Variants in RELB observed in about 807,000 individuals in gnomAD.
The protein encoded by RELB is RELB proto-oncogene, NF-kB subunit.
RELB carries 14 observed loss-of-function variants against 55.4 expected under a neutral mutation model. The observed-to-expected ratio is 0.25, with a 90% CI of 0.17 to 0.40. RELB has a LOEUF of 0.40. Ranked by LOEUF, RELB falls within the 10% of genes least tolerant of loss-of-function variation. The probability of loss-of-function intolerance (pLI) is 1.00; values close to 1 mark genes in which losing one functional copy is unlikely to be tolerated. For missense variants in RELB, 669 were observed against 830.7 expected (o/e 0.81, Z 2.39); for synonymous variants, 409 against 371.3 (o/e 1.10, Z -1.17).
intron 6 of RELB, 45 bp from the exon 7 acceptor site, chr19:45,025,561 G>T: frequency 1.2e-6 from 2 of 1,611,880 alleles, no homozygotes; most frequent in Non-Finnish European, 1.7e-6. Context: ...CCCCAGAGAG[G>T]GTCTCCACTT....
Position 45,033,045 on chromosome 19 carries a change from G to T in RELB, c.1207+296G>T, listed in dbSNP as rs1661636096. 2.0e-5 allele frequency among the ~76,000 whole-genome samples: 3 copies of T among 152,266 alleles called. No homozygotes were observed. In the South Asian group the frequency reaches 6.2e-4, roughly 32 times the overall value. On this transcript the variant is annotated intron_variant, in intron 9 of 11. Transcript: ENST00000221452. Reference sequence around the variant, plus strand: ...CGGGCCTGTGCTCGGTATTGCTAGAGACACAGCAGTGACCAGCACGGCCCC... The same window carrying T: ...CGGGCCTGTGCTCGGTATTGCTAGATACACAGCAGTGACCAGCACGGCCCC...
At chr19:45,026,698 A>G (rs1568403192) in intron 7 of RELB, among the ~76,000 whole-genome samples, 1 of 152,092 alleles carries the variant, frequency 6.6e-6, no homozygotes, top group East Asian at 1.9e-4. Context: ...ATTCCACAGA[A>G]TCACCCTGGT....
chr19:45,025,514 G>A (rs962743741), intron 6 of RELB, 92 bp from the exon 7 acceptor site: 23 of 1,569,106 alleles, frequency 1.5e-5, no homozygotes, highest in East Asian at 2.3e-5. Flanking sequence ...AGGCCCCACC[G>A]TCTCCTCCAG....
At chr19:45,018,524 G>A (rs920339608) in intron 4 of RELB, among the ~76,000 whole-genome samples, 1 of 151,862 alleles carries the variant, frequency 6.6e-6, no homozygotes, top group Admixed American at 6.6e-5. Flanking sequence ...AGGGGTTGCA[G>A]TGAGCTGAGA....
At chr19:45,013,477 C>T (rs35860955) in intron 4 of RELB, among the ~76,000 whole-genome samples, 314 of 152,154 alleles carry the variant, frequency 2.1e-3, no homozygotes, top group African/African-American at 6.9e-3. Context: ...GTTCTTCAAT[C>T]TGTCTTTGTG....
intron 8 of RELB, among the ~76,000 whole-genome samples, chr19:45,030,880 A>G (rs1971612571): frequency 6.6e-6 from 1 of 152,220 alleles, no homozygotes; most frequent in African/African-American, 2.4e-5. Context: ...GGTAGTGAAG[A>G]GTTCTAGCCT....
At chr19:45,006,350 G>A (rs1025188876) in intron 2 of RELB, among the ~76,000 whole-genome samples, 13 of 152,040 alleles carry the variant, frequency 8.6e-5, no homozygotes, top group Admixed American at 2.0e-4. Context: ...GATTCCAGGC[G>A]TGTGCCACCA....
intron 4 of RELB, among the ~76,000 whole-genome samples, 169 bp downstream of exon 4, chr19:45,012,445 G>C (rs903090601): frequency 6.6e-6 from 1 of 152,138 alleles, no homozygotes; most frequent in African/African-American, 2.4e-5. Context: ...TCAGAAAAAA[G>C]GAGGGGTCGG....
intron 4 of RELB, among the ~76,000 whole-genome samples, chr19:45,013,521 G>A (rs1010011859): frequency 1.3e-5 from 2 of 152,058 alleles, no homozygotes; most frequent in East Asian, 1.9e-4. Flanking sequence ...AGAACAGGAC[G>A]GATGTTTTGT....
At chr19:45,022,020 TGG>T in intron 4 of RELB, 31 bp from the exon 5 acceptor site, 2 of 1,581,494 alleles carry the variant, frequency 1.3e-6, no homozygotes, top group Non-Finnish European at 1.7e-6. Flanking sequence ...GCATCGGTGA[TGG>T]GACCCCCAAA....
chr19:45,004,466 C>T (rs983131354), intron 2 of RELB, among the ~76,000 whole-genome samples: 1 of 150,656 alleles, frequency 6.6e-6, no homozygotes, highest in Admixed American at 6.6e-5. Flanking sequence ...TCAAAGGATC[C>T]GCCCTCCTCG....
chr19:45,028,850 T>C (rs1346695362), intron 7 of RELB, 38 bp from the exon 8 acceptor site: 9 of 1,511,792 alleles, frequency 6.0e-6, no homozygotes, highest in Non-Finnish European at 8.1e-6. Context: ...ATTCTCGGGA[T>C]TTTTTTTAAT....
rs1431365329 is a variant in RELB at position 45,012,000 on chromosome 19, C to T, written c.228C>T (p.Gly76=). The change falls in exon 4 of 12, where the codon GGC becomes GGT. Residue 76 remains glycine, a synonymous_variant. Coordinates refer to ENST00000221452, the MANE Select transcript of RELB (RefSeq NM_006509.4). The part of the protein sequence containing the change: ...FGLDGGQPGP[G]EGLPRLVSRG... ...TGGACGGGGGACAGCCGGGCCCGGG[C>T]GAGGGGCTGCCACGCCTGGTGTCTC... 6.4e-7 allele frequency: 1 copy of T among 1,572,142 alleles called. No homozygotes were observed. The highest frequency in any genetic ancestry group is 8.6e-7 in the Non-Finnish European group (1 of 1,164,016).
intron 8 of RELB, among the ~76,000 whole-genome samples, chr19:45,030,848 T>A (rs1035895526): frequency 1.3e-5 from 2 of 152,202 alleles, no homozygotes; most frequent in Admixed American, 6.6e-5. Flanking sequence ...ATCTAGTAAC[T>A]TCCCCAAGTT....
At chr19:45,020,406 T>A (rs1252980287) in intron 4 of RELB, among the ~76,000 whole-genome samples, 2 of 151,746 alleles carry the variant, frequency 1.3e-5, no homozygotes, top group African/African-American at 4.8e-5. Context: ...GTATTTTTTA[T>A]AGAGACGGGG....
chr19:45,034,759 C>T (rs1335560954), intron 11 of RELB, among the ~76,000 whole-genome samples: 1 of 152,088 alleles, frequency 6.6e-6, no homozygotes, highest in African/African-American at 2.4e-5. Flanking sequence ...TGTTCTACCT[C>T]TCAGAGCCTC....
intron 5 of RELB, among the ~76,000 whole-genome samples, 185 bp downstream of exon 5, chr19:45,022,395 C>T (rs1411142626): frequency 3.3e-5 from 5 of 152,156 alleles, no homozygotes; most frequent in Non-Finnish European, 7.3e-5. Context: ...TTGCCACACA[C>T]ATATTCACAT....
intron 2 of RELB, among the ~76,000 whole-genome samples, chr19:45,007,302 A>C (rs1019375718): frequency 2.6e-5 from 4 of 152,208 alleles, no homozygotes; most frequent in Admixed American, 2.0e-4. Flanking sequence ...CAGAAACTTG[A>C]ATAATTTCCT....
chr19:45,014,815 G>A (rs188828850), intron 4 of RELB, among the ~76,000 whole-genome samples: 7 of 151,860 alleles, frequency 4.6e-5, no homozygotes, highest in Admixed American at 1.3e-4. Flanking sequence ...CACCGTGCTC[G>A]GACCCCAGAG....
Sources: gnomAD v4.1 joint callset for allele counts (sites outside exome capture counted in the v4.1 genomes callset) on GRCh38, gnomAD v4.1.1 for gene constraint, MANE v1.5 for transcripts, NCBI Gene and HGNC (gene_info 2026-07-23, HGNC 2026-07-21) for gene names.